The following SPTBN1 variants were observed in gnomAD, a reference collection of about 807,000 sequenced individuals.
SPTBN1 encodes spectrin beta, non-erythrocytic 1.
In SPTBN1, 32 loss-of-function variants were observed where a neutral mutation model predicts 266.4. The ratio of observed to expected loss-of-function variants is 0.12; its 90% CI spans 0.09 to 0.16. The LOEUF (loss-of-function observed/expected upper bound fraction) is 0.16, where lower values mean the gene tolerates loss of function less well. SPTBN1 is among the 10% of genes least tolerant of loss of function. The probability of loss-of-function intolerance (pLI) is 1.00; values close to 1 mark genes in which losing one functional copy is unlikely to be tolerated. For missense variants in SPTBN1, 2,296 were observed against 3,067.1 expected (o/e 0.75, Z 5.94); for synonymous variants, 1,336 against 1,162.2 (o/e 1.15, Z -3.04).
chr2:54,577,829 A>G (rs1002976868), intron 2 of SPTBN1, among the ~76,000 whole-genome samples: 4 of 152,206 alleles, frequency 2.6e-5, no homozygotes, highest in African/African-American at 9.6e-5. Flanking sequence ...TAGATCCCAC[A>G]TTAGGATTTT....
chr2:54,461,440 G>T (rs1245987971), intron 1 of SPTBN1, among the ~76,000 whole-genome samples: 3 of 152,134 alleles, frequency 2.0e-5, no homozygotes, highest in Non-Finnish European at 2.9e-5. Flanking sequence ...ATATGTGGAG[G>T]CACACACACC....
At chr2:54,544,795 A>G (rs1672140297) in intron 2 of SPTBN1, among the ~76,000 whole-genome samples, 2 of 152,148 alleles carry the variant, frequency 1.3e-5, no homozygotes, top group Admixed American at 6.5e-5. Context: ...TTTTTATTAT[A>G]CTTTAAGTTC....
At chr2:54,663,028 T>C (rs1025383405) in intron 32 of SPTBN1, 1 of 152,254 alleles carries the variant, frequency 6.6e-6, no homozygotes, top group Non-Finnish European at 1.5e-5. Context: ...ATAGTTTGCA[T>C]AGACATAACT....
chr2:54,638,982 C>G (rs1679349042), intron 18 of SPTBN1, among the ~76,000 whole-genome samples: 1 of 152,188 alleles, frequency 6.6e-6, no homozygotes. Flanking sequence ...GCTCTTGCAG[C>G]AAAACCTTAA....
chr2:54,638,466 A>G (rs1443699444), intron 18 of SPTBN1, among the ~76,000 whole-genome samples: 1 of 152,278 alleles, frequency 6.6e-6, no homozygotes, highest in Non-Finnish European at 1.5e-5. Flanking sequence ...TCTAACATGC[A>G]AAGAGCAGTA....
In SPTBN1 at chr2:54,560,867, A is replaced by G. The variant is rs146019485; in HGVS notation, c.148+34301A>G. 6.1e-4 allele frequency among the ~76,000 whole-genome samples: 93 copies of G among 152,360 alleles called. 1 individual carries two copies. The highest frequency in any genetic ancestry group is 1.8e-3 in the African/African-American group (74 of 41,584). The stretch of plus-strand genomic sequence containing the variant: ...TTACACACATTTGTCAGCATCCTTC[A>G]GAACAAATGAACCGATTGCATTTTA... On this transcript the variant is annotated intron_variant, in intron 2 of 35. Transcript: ENST00000356805.
At chr2:54,512,372 A>G (rs1573306898) in intron 1 of SPTBN1, among the ~76,000 whole-genome samples, 1 of 152,196 alleles carries the variant, frequency 6.6e-6, no homozygotes, top group African/African-American at 2.4e-5. Context: ...TACCAAGCAT[A>G]CAAAGGGGAA....
At chr2:54,463,853 T>G (rs1693495349) in intron 1 of SPTBN1, among the ~76,000 whole-genome samples, 1 of 152,212 alleles carries the variant, frequency 6.6e-6, no homozygotes, top group Non-Finnish European at 1.5e-5. Flanking sequence ...AAGGAAAATC[T>G]GATTTATATA....
At chr2:54,659,652 T>C (rs1412540736) in intron 31 of SPTBN1, among the ~76,000 whole-genome samples, 1 of 152,134 alleles carries the variant, frequency 6.6e-6, no homozygotes. Flanking sequence ...GCAATTATTC[T>C]CTACTTCCAA....
Position 54,670,951 on chromosome 2 carries a change from G to GT in SPTBN1, c.*2388dup, listed in dbSNP as rs199831842. On this transcript the variant is annotated 3_prime_UTR_variant, in exon 36 of 36. Transcript: ENST00000356805. ...GCCTGGCAGGGTAAATAGTTTTTGG[G>GT]TTTTTTGTTTTTTTTTTATTCTTCC... is the stretch of plus-strand genomic sequence containing the variant. 162 of 395,158 alleles carry GT rather than the reference G, an allele frequency of 4.1e-4. No homozygotes were observed. Among genetic ancestry groups the GT allele is most frequent in the African/African-American group, 2.5e-3 (120 of 47,738 alleles). 24.5% of individuals were successfully genotyped at this position (395,158 alleles called of 1,614,324 possible).
intron 10 of SPTBN1, among the ~76,000 whole-genome samples, chr2:54,624,334 T>C (rs1678187548): frequency 6.6e-6 from 1 of 152,138 alleles, no homozygotes; most frequent in South Asian, 2.1e-4. Flanking sequence ...GAAATAGATT[T>C]CCTAGGAATG....
chr2:54,644,421 T>C lies in SPTBN1; in HGVS notation c.4104T>C (p.Thr1368=). The C allele has an allele frequency of 6.2e-7, 1 of 1,614,220 alleles. No homozygotes were observed. The highest frequency in any genetic ancestry group is 2.2e-5 in the East Asian group (1 of 44,892). Residue 1368 remains threonine, a synonymous_variant, in exon 20 of 36, where the codon ACT becomes ACC. Transcript: ENST00000356805. ...LHKMWEVLES[T]TQTKAQRLFD... ...AAATGTGGGAAGTCCTTGAATCCAC[T>C]ACCCAGACAAAGGCCCAGCGGCTCT...
chr2:54,653,581 C>T lies in SPTBN1; in HGVS notation c.5578-28C>T, dbSNP rs1227058341. The T allele has an allele frequency of 1.2e-6, 2 of 1,609,100 alleles. No individual in the cohort carries two copies. The highest frequency in any genetic ancestry group is 3.4e-5 in the Admixed American group (2 of 58,452). On this transcript the variant is annotated intron_variant, in intron 26 of 35. Transcript: ENST00000356805. The surrounding 1 kb of genome is among the most constrained non-coding windows in gnomAD (Gnocchi z 5.1). ...GGTGGGAAGGCCGCCATGGGCTGAC[C>T]TGGCTCATCCCCTACATGGCTTCAC...
At position 54,487,974 on chromosome 2, in the gene SPTBN1, C is replaced by T. The variant is rs973363189; in HGVS notation, c.-48+31456C>T. ...CCTCCCAAGTAGCTGGGACTATAGGCGCCTGCCACCACACCCGGCTAATTT... is the reference window on the plus strand; with the variant it reads ...CCTCCCAAGTAGCTGGGACTATAGGTGCCTGCCACCACACCCGGCTAATTT... On this transcript the variant is annotated intron_variant, in intron 1 of 35. Transcript: ENST00000356805. 6.3e-4 allele frequency among the ~76,000 whole-genome samples: 96 copies of T among 151,622 alleles called. 1 individual carries two copies. The highest frequency in any genetic ancestry group is 5.7e-3 in the Admixed American group (86 of 15,220).
At position 54,526,517 on chromosome 2, in the gene SPTBN1, G is replaced by A. The variant is rs1476606990; in HGVS notation, c.99G>A (p.Glu33=). Residue 33 remains glutamate, a synonymous_variant, in exon 2 of 36, where the codon GAG becomes GAA. Transcript: ENST00000356805. ...GGGATGTCGACGACTGGGACAATGA[G>A]AACAGCTCTGCGCGGCTTTTTGAGC... ...NRWDVDDWDN[E]NSSARLFERS... The A allele has an allele frequency of 6.2e-7, 1 of 1,614,202 alleles. No individual in the cohort carries two copies. Among genetic ancestry groups the A allele is most frequent in the Admixed American group, 1.7e-5 (1 of 60,026 alleles).
intron 5 of SPTBN1, among the ~76,000 whole-genome samples, chr2:54,617,057 T>C (rs530810931): frequency 6.6e-6 from 1 of 152,212 alleles, no homozygotes; most frequent in Non-Finnish European, 1.5e-5. Context: ...TGATATAAAG[T>C]TATTAATAGT....
chr2:54,579,347 T>G (rs1270225964), intron 2 of SPTBN1, among the ~76,000 whole-genome samples: 1 of 152,182 alleles, frequency 6.6e-6, no homozygotes, highest in South Asian at 2.1e-4. Flanking sequence ...TACCATTTTT[T>G]GGGACTGATT....
intron 26 of SPTBN1, among the ~76,000 whole-genome samples, chr2:54,650,643 G>T (rs773406147): frequency 2.0e-5 from 3 of 152,182 alleles, no homozygotes; most frequent in Non-Finnish European, 2.9e-5. Context: ...TATGTCAAGG[G>T]TTCTTGTTGT....
At chr2:54,657,635 A>G (rs550392752) in intron 29 of SPTBN1, among the ~76,000 whole-genome samples, 34 of 152,324 alleles carry the variant, frequency 2.2e-4, no homozygotes, top group African/African-American at 7.2e-4. Context: ...AATTTCACCT[A>G]TTTATTTTTA....
Sources: gnomAD v4.1 joint callset for allele counts (sites outside exome capture counted in the v4.1 genomes callset) on GRCh38, gnomAD v4.1.1 for gene constraint, Gnocchi (gnomAD v3.1) non-coding constraint, MANE v1.5 for transcripts, NCBI Gene and HGNC (gene_info 2026-07-23, HGNC 2026-07-21) for gene names.